Variants in ZNF831 observed in about 807,000 individuals in gnomAD.
ZNF831 encodes the protein chromosome 20 open reading frame 174.
In ZNF831, 59 loss-of-function variants were observed where a neutral mutation model predicts 95.8. The ratio of observed to expected loss-of-function variants is 0.62; its 90% CI spans 0.50 to 0.77. The LOEUF is 0.77. Ranked by LOEUF, ZNF831 falls within the 30% of genes least tolerant of loss-of-function variation. The probability of loss-of-function intolerance (pLI) is 0.00; values close to 1 mark genes in which losing one functional copy is unlikely to be tolerated. For missense variants in ZNF831, 2,205 were observed against 2,164.0 expected (o/e 1.02, Z -0.38); for synonymous variants, 961 against 925.5 (o/e 1.04, Z -0.70).
chr20:59,236,537 C>G, intron 4 of ZNF831, among the ~76,000 whole-genome samples: 1 of 150,034 alleles, frequency 6.7e-6, no homozygotes, highest in South Asian at 2.1e-4. Context: ...AGGCATGCAC[C>G]ACCACGCTTG....
At chr20:59,151,792 T>C (rs944212051) in intron 2 of ZNF831, among the ~76,000 whole-genome samples, 2 of 152,318 alleles carry the variant, frequency 1.3e-5, no homozygotes, top group African/African-American at 4.8e-5. Context: ...CTGAGCCCCA[T>C]GTATTGGAGA....
chr20:59,136,042 G>A (rs1979499364), intron 1 of ZNF831, among the ~76,000 whole-genome samples: 1 of 152,164 alleles, frequency 6.6e-6, no homozygotes, highest in Non-Finnish European at 1.5e-5. Context: ...AGCTTATTCA[G>A]CTTGTCATCA....
At chr20:59,159,604 C>A (rs1259935113), upstream of ZNF831, 1 of 152,216 alleles carries the variant, frequency 6.6e-6, no homozygotes, top group Non-Finnish European at 1.5e-5. Flanking sequence ...AGGAGTGTTA[C>A]TTCCTGAGGG....
chr20:59,176,280 GAC>G (rs897889501), intron 1 of ZNF831, among the ~76,000 whole-genome samples: 19 of 152,202 alleles, frequency 1.2e-4, no homozygotes, highest in Admixed American at 3.3e-4. Context: ...AACTTATAGG[GAC>G]AGAAAACAGA....
chr20:59,203,658 G>A (rs746719356), intron 3 of ZNF831, among the ~76,000 whole-genome samples: 4 of 152,074 alleles, frequency 2.6e-5, no homozygotes, highest in African/African-American at 4.8e-5. Flanking sequence ...TTAGCTTCCC[G>A]TTTATACTTG....
At chr20:59,155,182 C>T (rs1211835377) in intron 2 of ZNF831, among the ~76,000 whole-genome samples, 1 of 152,098 alleles carries the variant, frequency 6.6e-6, no homozygotes, top group South Asian at 2.1e-4. Flanking sequence ...TGGCTTTTGT[C>T]ATTGTTTCCC....
intron 4 of ZNF831, among the ~76,000 whole-genome samples, chr20:59,243,531 C>G (rs1987442320): frequency 6.6e-6 from 1 of 152,186 alleles, no homozygotes; most frequent in Non-Finnish European, 1.5e-5. Context: ...TGCCCCATCT[C>G]TCTGTCACAA....
At chr20:59,183,059 T>C (rs1019978414) in intron 1 of ZNF831, among the ~76,000 whole-genome samples, 4 of 152,108 alleles carry the variant, frequency 2.6e-5, no homozygotes, top group African/African-American at 7.2e-5. Flanking sequence ...GGGGTTTCAA[T>C]GTGGGGCCAT....
intron 4 of ZNF831, among the ~76,000 whole-genome samples, chr20:59,227,429 G>T (rs1031471568): frequency 2.0e-5 from 3 of 152,152 alleles, no homozygotes; most frequent in Non-Finnish European, 4.4e-5. Flanking sequence ...AACTCCACTT[G>T]CTTGACTCAG....
chr20:59,192,010 GC>G lies in ZNF831; in HGVS notation c.996del (p.Glu333ArgfsTer201). On this transcript the variant is annotated frameshift_variant, in exon 2 of 6. Transcript: ENST00000371030. LOFTEE classifies it high-confidence loss of function. This position sits in a 1 kb window ranked among gnomAD's most constrained non-coding sequence, Gnocchi z 5.2. ...TAAEKPWDAKAPEGRLRKCES... is the reference protein window; with the variant it reads ...TAAEKPWDAKXPEGRLRKCES... ...AGCGGAGAAGCCCTGGGATGCCAAG[GC>G]CCCCGAGGGCCGGCTGCGGAAGTGT... The G allele has an allele frequency of 6.2e-7, 1 of 1,608,464 alleles. No individual in the cohort carries two copies.
chr20:59,242,174 C>T (rs898355137), intron 4 of ZNF831, among the ~76,000 whole-genome samples: 8 of 152,110 alleles, frequency 5.3e-5, no homozygotes, highest in Non-Finnish European at 4.4e-5. Context: ...CCCATTTTTC[C>T]CCCCTCAGGA....
chr20:59,225,151 A>G (rs1055333200), intron 4 of ZNF831, among the ~76,000 whole-genome samples: 1 of 152,190 alleles, frequency 6.6e-6, no homozygotes, highest in African/African-American at 2.4e-5. Flanking sequence ...TTAACTTAAG[A>G]AATGGGGAAC....
chr20:59,225,976 A>G (rs984905818), intron 4 of ZNF831, among the ~76,000 whole-genome samples: 1 of 152,210 alleles, frequency 6.6e-6, no homozygotes, highest in Non-Finnish European at 1.5e-5. Flanking sequence ...AAATCAGAGT[A>G]GACGTTCCTT....
At chr20:59,253,858 C>T in intron 5 of ZNF831, 40 bp from the exon 6 acceptor site, 1 of 1,208,078 alleles carries the variant, frequency 8.3e-7, no homozygotes, top group Non-Finnish European at 1.1e-6. Context: ...ACCAATTAAC[C>T]TCCCCCCCCA....
rs186145143 is a variant in ZNF831, at chr20:59,241,560, G to A, written c.4028-11418G>A. On this transcript the variant is annotated intron_variant, in intron 4 of 5. Transcript: ENST00000371030. ...ATATAAGAAAACTTTTGTAAGAAACGTTTATAAGAAAATGACACTTGTAAA... is the reference window on the plus strand; with the variant it reads ...ATATAAGAAAACTTTTGTAAGAAACATTTATAAGAAAATGACACTTGTAAA... 7.4e-4 allele frequency among the ~76,000 whole-genome samples: 112 copies of A among 152,276 alleles called. 1 individual carries two copies. The highest frequency in any genetic ancestry group is 2.9e-3 in the Admixed American group (44 of 15,304).
rs775586152 is a variant in ZNF831, at chr20:59,191,255, C to G, written c.236C>G (p.Thr79Arg). 5 of 1,549,544 alleles carry G rather than the reference C, an allele frequency of 3.2e-6. No homozygotes were observed. Among genetic ancestry groups the G allele is most frequent in the Non-Finnish European group, 4.4e-6 (5 of 1,148,236 alleles). Residue 79 changes from threonine to arginine, a missense_variant, in exon 2 of 6, where the codon ACG becomes AGG. Physicochemically the swap from Thr to Arg is moderately conservative, Grantham distance 71. Coordinates refer to ENST00000371030, the MANE Select transcript of ZNF831 (RefSeq NM_178457.3). ...GGLQPRAPLV[T>R]GSLDGGNVPF... ...CTCCAGCCCCGCGCCCCGCTAGTGA[C>G]GGGCAGCCTAGATGGGGGCAACGTG...
chr20:59,135,392 C>T (rs944692806), intron 1 of ZNF831, among the ~76,000 whole-genome samples: 1 of 151,906 alleles, frequency 6.6e-6, no homozygotes, highest in African/African-American at 2.4e-5. Context: ...TTGAGATCAG[C>T]CTTGGCAACA....
At chr20:59,179,042 A>T (rs1219202040) in intron 1 of ZNF831, among the ~76,000 whole-genome samples, 1 of 152,158 alleles carries the variant, frequency 6.6e-6, no homozygotes, top group Non-Finnish European at 1.5e-5. Context: ...TCCACCCTGG[A>T]GCCCTCATTA....
intron 4 of ZNF831, among the ~76,000 whole-genome samples, chr20:59,211,259 C>G (rs1985312825): frequency 6.6e-6 from 1 of 152,172 alleles, no homozygotes; most frequent in Non-Finnish European, 1.5e-5. Flanking sequence ...ATTTGAGCAT[C>G]CAGTTGAACC....
Sources: allele counts gnomAD v4.1 joint callset (sites outside exome capture counted in the v4.1 genomes callset), GRCh38; gene constraint gnomAD v4.1.1; non-coding constraint Gnocchi (gnomAD v3.1); transcripts MANE v1.5; gene names NCBI Gene and HGNC (gene_info 2026-07-23, HGNC 2026-07-21).